Variants in STX1B observed in about 807,000 individuals in gnomAD.
STX1B encodes the protein syntaxin 1B, also known as syntaxin-1B.
STX1B carries 7 observed loss-of-function variants against 39.4 expected under a neutral mutation model. The observed-to-expected ratio is 0.18, with a 90% CI of 0.10 to 0.33. The LOEUF is 0.33. Ranked by LOEUF, STX1B falls within the 10% of genes least tolerant of loss-of-function variation. STX1B has a pLI of 1.00. For missense variants in STX1B, 198 were observed against 383.2 expected (o/e 0.52, Z 4.04); for synonymous variants, 136 against 144.1 (o/e 0.94, Z 0.40).
intron 4 of STX1B, among the ~76,000 whole-genome samples, chr16:31,000,554 G>A (rs936589200): frequency 1.3e-5 from 2 of 151,256 alleles, no homozygotes; most frequent in East Asian, 1.9e-4. Context: ...GTGCAGTGGC[G>A]CGATCTCAGC....
chr16:30,992,990 GGGA>G, intron 9 of STX1B, 89 bp from the exon 10 acceptor site: 1 of 1,310,230 alleles, frequency 7.6e-7, no homozygotes, highest in Non-Finnish European at 1.1e-6. Flanking sequence ...GAGGGTGGCA[GGGA>G]GAAGAGGGGA....
Position 30,992,760 on chromosome 16 carries a change from TG to T in STX1B, c.*60del. ...GCAGGGGATGGAGTGAAAGGGGTGG[TG>T]GGGGTATTGCTCCCGATGTGGTGGG... On this transcript the variant is annotated 3_prime_UTR_variant, in exon 10 of 10. Transcript: ENST00000215095. The T allele has an allele frequency of 1.5e-6, 1 of 671,122 alleles. No homozygotes were observed. Among genetic ancestry groups the T allele is most frequent in the Non-Finnish European group, 2.2e-6 (1 of 465,088 alleles). The allele number at this position is 671,122 out of a possible 1,614,324, so 41.6% of individuals were successfully genotyped here. A position where few individuals can be genotyped will look rare whatever the true frequency, so the allele number is the denominator to read the frequency against.
At chr16:30,997,941 G>A (rs1370802213) in intron 4 of STX1B, among the ~76,000 whole-genome samples, 1 of 152,222 alleles carries the variant, frequency 6.6e-6, no homozygotes, top group Non-Finnish European at 1.5e-5. Flanking sequence ...GGCCATGTAT[G>A]TGGGGTGCTC....
intron 8 of STX1B, 26 bp from the exon 9 acceptor site, chr16:30,993,266 G>A (rs2056573266): frequency 6.2e-7 from 1 of 1,613,772 alleles, no homozygotes; most frequent in Non-Finnish European, 8.5e-7. Context: ...ACATGCACAG[G>A]GAGGGATGGG....
In STX1B at chr16:31,001,206, A is replaced by G. The variant is rs201851612; in HGVS notation, c.106-13T>C. The G allele has an allele frequency of 6.2e-7, 1 of 1,612,432 alleles. No individual in the cohort carries two copies. Among genetic ancestry groups the G allele is most frequent in the East Asian group, 2.2e-5 (1 of 44,876 alleles). ...GGATCTCTTCCACCTGGAGCAGAAAATCGGCTATACCCAGCCAAGCTGTCA... is the reference window on the plus strand; with the variant it reads ...GGATCTCTTCCACCTGGAGCAGAAAGTCGGCTATACCCAGCCAAGCTGTCA... On this transcript the variant is annotated splice_polypyrimidine_tract_variant and intron_variant, in intron 2 of 9. Coordinates refer to ENST00000215095, the MANE Select transcript of STX1B (RefSeq NM_052874.5). The surrounding 1 kb of genome is among the most constrained non-coding windows in gnomAD (Gnocchi z 5.5).
rs1251215444 is a variant in STX1B at position 30,992,508 on chromosome 16, G to C, written c.*313C>G. On this transcript the variant is annotated 3_prime_UTR_variant, in exon 10 of 10. Coordinates refer to ENST00000215095, the MANE Select transcript of STX1B (RefSeq NM_052874.5). ...CACACACACCCAAGGTGGGGGTGGAGGGGGTGCTCTGGTGCATCACACACA... is the reference window on the plus strand; with the variant it reads ...CACACACACCCAAGGTGGGGGTGGACGGGGTGCTCTGGTGCATCACACACA... The C allele has an allele frequency of 3.2e-6, 1 of 312,576 alleles. No homozygotes were observed. Among genetic ancestry groups the C allele is most frequent in the Non-Finnish European group, 6.0e-6 (1 of 165,636 alleles). The allele number at this position is 312,576 out of a possible 1,614,324, so 19.4% of individuals were successfully genotyped here. A position where few individuals can be genotyped will look rare whatever the true frequency, so the allele number is the denominator to read the frequency against.
In STX1B at chr16:30,992,895, T is replaced by C; in HGVS notation, c.793A>G (p.Ile265Val). Residue 265 changes from isoleucine (I) to valine (V), a missense_variant, in exon 10 of 10, where the codon ATC becomes GTC. Physicochemically the swap from Ile to Val is conservative, Grantham distance 29. Transcript: ENST00000215095. ...KYQSKARRKK[I>V]MIIICCVVLG... is the part of the protein sequence containing the mutation. The stretch of plus-strand genomic sequence containing the variant: ...ACCACACAGCAAATGATGATCATGA[T>C]TTTCTTCTGCAGCAGAAAGAGGAGT... The C allele has an allele frequency of 6.2e-7, 1 of 1,613,850 alleles. No homozygotes were observed. The highest frequency in any genetic ancestry group is 1.1e-5 in the South Asian group (1 of 91,084).
intron 1 of STX1B, among the ~76,000 whole-genome samples, chr16:31,005,846 G>A (rs145431488): frequency 2.6e-5 from 4 of 152,218 alleles, no homozygotes; most frequent in Non-Finnish European, 2.9e-5. Context: ...TGGGGACTGC[G>A]CACATCAGAT....
chr16:30,996,960 G>C lies in STX1B; in HGVS notation c.454C>G (p.Leu152Val). 6.2e-7 allele frequency: 1 copy of C among 1,613,304 alleles called. No homozygotes were observed. The highest frequency in any genetic ancestry group is 8.5e-7 in the Non-Finnish European group (1 of 1,179,838). ...TGGGGGGCACACGCACTGATCTCCA[G>C]TTGCCGCTGGATCCGGTCCTTGCAG... ...DRCKDRIQRQ[L>V]EITGRTTTNE... Residue 152 changes from leucine (L) to valine (V), a missense_variant, in exon 6 of 10, where the codon CTG becomes GTG. Transcript: ENST00000215095.
Position 31,000,871 on chromosome 16 carries a change from C to A in STX1B, c.280+57G>T, listed in dbSNP as rs188505739. The A allele has an allele frequency of 4.9e-4, 779 of 1,587,056 alleles. 4 individuals carry two copies. The African/African-American group carries it at 9.2e-3, about 19-fold the overall frequency. ...CGCCTCGCCCTCCCAAAGGCCTGAGCCACCATGCTCCACCCACAATTCTTT... is the reference window on the plus strand; with the variant it reads ...CGCCTCGCCCTCCCAAAGGCCTGAGACACCATGCTCCACCCACAATTCTTT... On this transcript the variant is annotated intron_variant, in intron 4 of 9. Transcript: ENST00000215095.
At chr16:30,999,483 G>A (rs2056612532) in intron 4 of STX1B, among the ~76,000 whole-genome samples, 1 of 152,226 alleles carries the variant, frequency 6.6e-6, no homozygotes, top group African/African-American at 2.4e-5. Context: ...CAGTAACACT[G>A]CTATTTCCCT....
At position 30,999,603 on chromosome 16, in the gene STX1B, C is replaced by T. The variant is rs189578239; in HGVS notation, c.280+1325G>A. 7.8e-4 allele frequency among the ~76,000 whole-genome samples: 118 copies of T among 152,242 alleles called. 1 individual carries two copies. The highest frequency in any genetic ancestry group is 4.8e-3 in the South Asian group (23 of 4,816). On this transcript the variant is annotated intron_variant, in intron 4 of 9. Coordinates refer to ENST00000215095, the MANE Select transcript of STX1B (RefSeq NM_052874.5). ...TGAATAAATGAACATTTGGCAAGTC[C>T]CTCTTGAAAGCTCGCCAGCCCCTGA...
At chr16:31,006,813 G>C (rs953911693) in intron 1 of STX1B, among the ~76,000 whole-genome samples, 9 of 152,292 alleles carry the variant, frequency 5.9e-5, no homozygotes, top group African/African-American at 1.9e-4. Flanking sequence ...TGTTTGGATA[G>C]CAGAAAGAAG....
Position 31,000,941 on chromosome 16 carries a change from C to T in STX1B, c.267G>A (p.Arg89=). 1 of 1,614,152 alleles carries T rather than the reference C, an allele frequency of 6.2e-7. No homozygotes were observed. Among genetic ancestry groups the T allele is most frequent in the Non-Finnish European group, 8.5e-7 (1 of 1,180,028 alleles). Reference sequence around the variant, plus strand: ...TGTACTCCTCACCTTTCAATTTGGACCGAACCTTGTTGGCCGTCTTCTTGA... The same window carrying T: ...TGTACTCCTCACCTTTCAATTTGGATCGAACCTTGTTGGCCGTCTTCTTGA... The part of the protein sequence containing the change: ...ADIKKTANKV[R]SKLKAIEQSI... The change falls in exon 4 of 10, where the codon CGG becomes CGA. Residue 89 remains arginine, a synonymous_variant. Coordinates refer to ENST00000215095, the MANE Select transcript of STX1B (RefSeq NM_052874.5).
chr16:30,997,979 G>C (rs559771142), intron 4 of STX1B, among the ~76,000 whole-genome samples: 6 of 152,326 alleles, frequency 3.9e-5, no homozygotes, highest in Admixed American at 3.9e-4. Context: ...CTGGACAGGG[G>C]GCAAGAACAC....
At chr16:30,998,744 C>T (rs914014607) in intron 4 of STX1B, among the ~76,000 whole-genome samples, 3 of 152,208 alleles carry the variant, frequency 2.0e-5, no homozygotes, top group African/African-American at 7.2e-5. Context: ...ACCACGGCCA[C>T]TTTTCCAGCT....
chr16:30,993,567 C>T lies in STX1B; in HGVS notation c.538-83G>A, dbSNP rs756889999. The T allele has an allele frequency of 2.4e-5, 36 of 1,522,418 alleles. 1 individual carries two copies. Among genetic ancestry groups the T allele is most frequent in the South Asian group, 8.0e-5 (7 of 88,032 alleles). 94.3% of individuals were successfully genotyped at this position (1,522,418 alleles called of 1,614,324 possible). A position where few individuals can be genotyped will look rare whatever the true frequency, so the allele number is the denominator to read the frequency against. On this transcript the variant is annotated intron_variant, in intron 7 of 9. Transcript: ENST00000215095. ...GCAGTGGAGTGGCCAGGGTCAAATC[C>T]GGTGTCATTTACTAGCTGAAACCTT...
rs1185921198 is a variant in STX1B, at chr16:30,996,597, T to C, written c.537+86A>G. 3.3e-6 allele frequency: 4 copies of C among 1,216,364 alleles called. No individual in the cohort carries two copies. In the Admixed American group the frequency reaches 5.8e-5, roughly 18 times the overall value. The allele number at this position is 1,216,364 out of a possible 1,614,324, so 75.3% of individuals were successfully genotyped here. On this transcript the variant is annotated intron_variant, in intron 7 of 9. Coordinates refer to ENST00000215095, the MANE Select transcript of STX1B (RefSeq NM_052874.5). ...CTTCCCGCTGCTCATTTTTCCAGGG[T>C]GGACTTAGGACCTTAGTTCAACCTG... is the stretch of plus-strand genomic sequence containing the variant.
At chr16:31,009,410 C>T (rs998637607) in intron 1 of STX1B, among the ~76,000 whole-genome samples, 4 of 152,068 alleles carry the variant, frequency 2.6e-5, no homozygotes, top group African/African-American at 9.7e-5. Context: ...TTGGGCAGCT[C>T]AGCCGGGGCC....
Sources: gnomAD v4.1 joint callset for allele counts (sites outside exome capture counted in the v4.1 genomes callset) on GRCh38, gnomAD v4.1.1 for gene constraint, Gnocchi (gnomAD v3.1) non-coding constraint, MANE v1.5 for transcripts, NCBI Gene and HGNC (gene_info 2026-07-23, HGNC 2026-07-21) for gene names.